Variants in ITGBL1 observed in about 807,000 individuals in gnomAD.
ITGBL1 encodes the protein integrin subunit beta like 1, also known as integrin beta-like protein 1.
ITGBL1 carries 51 observed loss-of-function variants against 68.5 expected under a neutral mutation model. The ratio of observed to expected loss-of-function variants is 0.74; its 90% CI spans 0.59 to 0.94. The LOEUF is 0.94. Ranked by LOEUF, ITGBL1 falls within the 40% of genes least tolerant of loss-of-function variation. The pLI, the probability that ITGBL1 is intolerant of heterozygous loss-of-function variation, is 0.00. For synonymous variants in ITGBL1, 209 were observed against 227.3 expected (o/e 0.92, Z 0.72); for missense variants, 649 against 647.4 (o/e 1.00, Z -0.03).
intron 9 of ITGBL1, among the ~76,000 whole-genome samples, chr13:101,707,794 A>G (rs994170230): frequency 1.3e-5 from 2 of 151,462 alleles, no homozygotes; most frequent in African/African-American, 4.9e-5. Context: ...TGGAGGTCGC[A>G]GTAAACTGAG....
intron 2 of ITGBL1, chr13:101,489,982 A>G: frequency 6.7e-7 from 1 of 1,501,476 alleles, no homozygotes; most frequent in Non-Finnish European, 9.0e-7. Flanking sequence ...AGTTGCAGTG[A>G]TGGGAGCATT....
chr13:101,636,552 A>G (rs1463211682), intron 7 of ITGBL1, among the ~76,000 whole-genome samples: 1 of 152,172 alleles, frequency 6.6e-6, no homozygotes, highest in Non-Finnish European at 1.5e-5. Flanking sequence ...AGTATTTTTT[A>G]ATGAACAGAA....
intron 2 of ITGBL1, among the ~76,000 whole-genome samples, chr13:101,504,622 G>A (rs2048998111): frequency 6.6e-6 from 1 of 152,148 alleles, no homozygotes; most frequent in Admixed American, 6.5e-5. Context: ...AACACGGCCT[G>A]TATATATATT....
At chr13:101,560,812 A>G (rs2050087182) in intron 2 of ITGBL1, among the ~76,000 whole-genome samples, 1 of 152,194 alleles carries the variant, frequency 6.6e-6, no homozygotes, top group Non-Finnish European at 1.5e-5. Context: ...ATACATGTAA[A>G]TGCAGGGCTG....
chr13:101,579,275 T>C lies in ITGBL1; in HGVS notation c.587-12T>C, dbSNP rs761768191. 11 of 1,610,854 alleles carry C rather than the reference T, an allele frequency of 6.8e-6. No individual in the cohort carries two copies. The African/African-American group carries it at 1.3e-4, about 20-fold the overall frequency. On this transcript the variant is annotated splice_polypyrimidine_tract_variant and intron_variant, in intron 4 of 10. Coordinates refer to ENST00000376180, the MANE Select transcript of ITGBL1 (RefSeq NM_004791.3). ...TTTTTTCCTCACTGTATAAAATTCA[T>C]TTTGGGTAAAGGCCATGGGAAGTGT... is the stretch of plus-strand genomic sequence containing the variant.
intron 7 of ITGBL1, among the ~76,000 whole-genome samples, chr13:101,645,949 G>T (rs1341569606): frequency 2.6e-5 from 4 of 152,102 alleles, no homozygotes; most frequent in Non-Finnish European, 5.9e-5. Flanking sequence ...AACTTCTCTT[G>T]CATCTGACTT....
At chr13:101,613,821 C>T (rs1030320390) in intron 7 of ITGBL1, among the ~76,000 whole-genome samples, 3 of 152,084 alleles carry the variant, frequency 2.0e-5, no homozygotes, top group African/African-American at 7.2e-5. Flanking sequence ...TTTAAAAGCT[C>T]CCTGGGTGAC....
intron 2 of ITGBL1, among the ~76,000 whole-genome samples, chr13:101,500,806 T>C (rs1335594): frequency 0.64 from 97,032 of 152,010 alleles, 31,361 homozygotes; most frequent in South Asian, 0.7. Context: ...TGTAAGTCCT[T>C]TGTGAGGCTT....
intron 2 of ITGBL1, among the ~76,000 whole-genome samples, chr13:101,502,957 C>A (rs966037185): frequency 6.6e-6 from 1 of 152,122 alleles, no homozygotes; most frequent in Non-Finnish European, 1.5e-5. Flanking sequence ...TTGTGCCCTC[C>A]AACAATTTCC....
intron 7 of ITGBL1, among the ~76,000 whole-genome samples, chr13:101,627,196 A>T (rs1303295075): frequency 6.6e-6 from 1 of 151,512 alleles, no homozygotes; most frequent in Non-Finnish European, 1.5e-5. Flanking sequence ...CTTTCATGTA[A>T]TTTTTTTTTA....
chr13:101,533,615 G>T (rs577223124), intron 2 of ITGBL1, among the ~76,000 whole-genome samples: 2 of 152,300 alleles, frequency 1.3e-5, no homozygotes, highest in East Asian at 3.9e-4. Context: ...TAGAAGTTAA[G>T]TGTAAATCCA....
intron 9 of ITGBL1, among the ~76,000 whole-genome samples, chr13:101,709,383 AAAAAAAAAAAAAAAAG>A (rs1488578684): frequency 6.7e-6 from 1 of 148,544 alleles, no homozygotes; most frequent in African/African-American, 2.5e-5. Context: ...AAAAAAAAAA[AAAAAAAAAAAAAAAAG>A]AAAAGCAGGA....
chr13:101,640,432 C>T (rs1305381613), intron 7 of ITGBL1, among the ~76,000 whole-genome samples: 3 of 152,104 alleles, frequency 2.0e-5, no homozygotes, highest in Non-Finnish European at 4.4e-5. Context: ...ACCAGGCACT[C>T]TCTTGATTTA....
intron 7 of ITGBL1, among the ~76,000 whole-genome samples, chr13:101,647,779 G>A (rs1033485717): frequency 6.6e-6 from 1 of 152,126 alleles, no homozygotes; most frequent in Non-Finnish European, 1.5e-5. Context: ...TGGAGACAAA[G>A]GAGGTGCGAA....
At chr13:101,464,702 T>G (rs890322862) in intron 2 of ITGBL1, among the ~76,000 whole-genome samples, 3 of 152,154 alleles carry the variant, frequency 2.0e-5, no homozygotes, top group African/African-American at 7.2e-5. Context: ...TACATACATA[T>G]TTGATACCCT....
intron 7 of ITGBL1, among the ~76,000 whole-genome samples, chr13:101,601,770 T>G (rs2030397467): frequency 6.6e-6 from 1 of 152,178 alleles, no homozygotes; most frequent in Non-Finnish European, 1.5e-5. Context: ...TAATCCTGAG[T>G]TCTAGTTTGA....
chr13:101,658,146 A>T (rs559662887), intron 7 of ITGBL1, among the ~76,000 whole-genome samples: 1 of 152,216 alleles, frequency 6.6e-6, no homozygotes, highest in East Asian at 1.9e-4. Flanking sequence ...GGTACCAAAT[A>T]TGTATGCTCC....
At chr13:101,660,063 G>C (rs1180667672) in intron 7 of ITGBL1, among the ~76,000 whole-genome samples, 1 of 152,180 alleles carries the variant, frequency 6.6e-6, no homozygotes, top group Non-Finnish European at 1.5e-5. Flanking sequence ...CCACCCTATA[G>C]ATGCCAGTAG....
intron 9 of ITGBL1, chr13:101,711,450 G>T (rs9585758): frequency 0.098 from 14,890 of 152,310 alleles, 944 homozygotes; most frequent in African/African-American, 0.18. Flanking sequence ...GCCTCAGCCT[G>T]GTGTTCAAGT....
Sources: gnomAD v4.1 joint callset for allele counts (sites outside exome capture counted in the v4.1 genomes callset) on GRCh38, gnomAD v4.1.1 for gene constraint, MANE v1.5 for transcripts, NCBI Gene and HGNC (gene_info 2026-07-23, HGNC 2026-07-21) for gene names.